The following MACC1 variants were observed in gnomAD, a reference collection of about 807,000 sequenced individuals.
The protein encoded by MACC1 is metastasis-associated in colon cancer protein 1.
In MACC1, 79 loss-of-function variants were observed where a neutral mutation model predicts 70.7. That is an observed-to-expected ratio of 1.12 (90% CI 0.93 to 1.35). The LOEUF (loss-of-function observed/expected upper bound fraction) is 1.35, where lower values mean the gene tolerates loss of function less well. Ranked by LOEUF, MACC1 falls within the 40% of genes most tolerant of loss-of-function variation. MACC1 has a pLI of 0.00. For missense variants in MACC1, 1,106 were observed against 978.1 expected, an observed-to-expected ratio of 1.13 and a Z score of -1.74; for synonymous variants, 361 against 347.2, an observed-to-expected ratio of 1.04 and a Z score of -0.44.
intron 5 of MACC1, among the ~76,000 whole-genome samples, chr7:20,157,869 A>G (rs189997560): frequency 6.6e-6 from 1 of 152,026 alleles, no homozygotes; most frequent in Non-Finnish European, 1.5e-5. Context: ...GTTTGCTTTC[A>G]TGTTATGGAG....
At chr7:20,189,951 C>G (rs1316789630) in intron 1 of MACC1, among the ~76,000 whole-genome samples, 2 of 152,072 alleles carry the variant, frequency 1.3e-5, no homozygotes, top group Non-Finnish European at 2.9e-5. Flanking sequence ...GGCCCTCTTC[C>G]TTGTTTACAG....
chr7:20,165,627 T>G (rs986040236), intron 2 of MACC1, among the ~76,000 whole-genome samples: 9 of 152,154 alleles, frequency 5.9e-5, no homozygotes, highest in Non-Finnish European at 1.0e-4. Context: ...TTAGCCACAT[T>G]TAGCATTTCC....
In MACC1 at chr7:20,160,027, A is replaced by C. The variant is rs752649734; in HGVS notation, c.334T>G (p.Ser112Ala). Residue 112 changes from serine (S) to alanine (A), a missense_variant, in exon 5 of 7, where the codon TCT becomes GCT. Physicochemically the swap from Ser to Ala is moderately conservative, Grantham distance 99. Coordinates refer to ENST00000400331, the MANE Select transcript of MACC1 (RefSeq NM_182762.4). ...AGTTCATCACCGGAGGAATCAAAAG[A>C]ATTTCCATTTTCTATTTCTCTACAG... Reference protein sequence around the residue: ...LFCREIENGNSFDSSGDELDV... With the variant: ...LFCREIENGNAFDSSGDELDV... The C allele has an allele frequency of 3.1e-6, 5 of 1,611,248 alleles. No homozygotes were observed. The South Asian group carries it at 4.4e-5, about 14-fold the overall frequency.
chr7:20,193,234 ATGTT>A (rs1782698924), intron 1 of MACC1, among the ~76,000 whole-genome samples: 1 of 152,184 alleles, frequency 6.6e-6, no homozygotes, highest in Admixed American at 6.5e-5. Flanking sequence ...AATAACCTAA[ATGTT>A]TGGTAATGGA....
At chr7:20,186,993 A>G (rs1489015957) in intron 1 of MACC1, among the ~76,000 whole-genome samples, 1 of 152,178 alleles carries the variant, frequency 6.6e-6, no homozygotes, top group Non-Finnish European at 1.5e-5. Context: ...ATGAAAAGAA[A>G]CAAGACTGAA....
At chr7:20,201,621 T>A (rs1782834551) in intron 1 of MACC1, among the ~76,000 whole-genome samples, 1 of 152,162 alleles carries the variant, frequency 6.6e-6, no homozygotes, top group African/African-American at 2.4e-5. Flanking sequence ...CATCTGTGAT[T>A]TACATTTCAG....
chr7:20,154,183 G>T lies in MACC1; in HGVS notation c.2346+10C>A. On this transcript the variant is annotated intron_variant, in intron 6 of 6. Coordinates refer to ENST00000400331, the MANE Select transcript of MACC1 (RefSeq NM_182762.4). ...TTTTCACTATTGAATTACACAAACAGAAGTCTTACCTCAACAGCAACATCT... is the reference window on the plus strand; with the variant it reads ...TTTTCACTATTGAATTACACAAACATAAGTCTTACCTCAACAGCAACATCT... The T allele has an allele frequency of 6.2e-7, 1 of 1,613,570 alleles. No homozygotes were observed. The highest frequency in any genetic ancestry group is 8.5e-7 in the Non-Finnish European group (1 of 1,179,616).
intron 6 of MACC1, among the ~76,000 whole-genome samples, chr7:20,143,731 G>A (rs1781844304): frequency 6.6e-6 from 1 of 152,150 alleles, no homozygotes; most frequent in South Asian, 2.1e-4. Flanking sequence ...AGTGTCGATA[G>A]CTCTTGCAAA....
At chr7:20,169,570 C>T (rs1440104517) in intron 2 of MACC1, among the ~76,000 whole-genome samples, 2 of 152,202 alleles carry the variant, frequency 1.3e-5, no homozygotes, top group Non-Finnish European at 2.9e-5. Flanking sequence ...CTTCCTAGAA[C>T]ACTTGACAGT....
intron 1 of MACC1, among the ~76,000 whole-genome samples, chr7:20,181,526 T>C (rs1415606038): frequency 6.6e-6 from 1 of 152,120 alleles, no homozygotes; most frequent in African/African-American, 2.4e-5. Flanking sequence ...ATTTAATATG[T>C]AAAAACTATG....
At chr7:20,189,195 T>C (rs556300911) in intron 1 of MACC1, among the ~76,000 whole-genome samples, 94 of 152,322 alleles carry the variant, frequency 6.2e-4, no homozygotes, top group African/African-American at 2.0e-3. Context: ...AAAAAAATAA[T>C]ATACACTTCT....
chr7:20,209,680 TG>T (rs937323836), intron 1 of MACC1, among the ~76,000 whole-genome samples: 3 of 152,116 alleles, frequency 2.0e-5, no homozygotes, highest in Non-Finnish European at 2.9e-5. Context: ...GTTAAGGCTT[TG>T]GGGGGGACTA....
At chr7:20,147,502 G>A (rs1246555062) in intron 6 of MACC1, 2 of 152,194 alleles carry the variant, frequency 1.3e-5, no homozygotes, top group African/African-American at 2.4e-5. Context: ...ATTATTTCAT[G>A]TGTTCTATCC....
At chr7:20,170,810 G>C (rs972346895) in intron 1 of MACC1, 32 bp from the exon 2 acceptor site, 3 of 152,174 alleles carry the variant, frequency 2.0e-5, no homozygotes, top group African/African-American at 7.2e-5. Flanking sequence ...TGAATCTTTG[G>C]TCACTGTTAA....
At chr7:20,173,241 A>T (rs181473797) in intron 1 of MACC1, among the ~76,000 whole-genome samples, 1 of 152,246 alleles carries the variant, frequency 6.6e-6, no homozygotes, top group South Asian at 2.1e-4. Context: ...TTCTAAAAAC[A>T]TATTATTAAA....
intron 1 of MACC1, among the ~76,000 whole-genome samples, chr7:20,215,859 T>TA (rs143314546): frequency 0.01 from 1,595 of 152,262 alleles, 30 homozygotes; most frequent in African/African-American, 0.035. Flanking sequence ...CACAAACAGA[T>TA]AAAAATATTC....
intron 1 of MACC1, among the ~76,000 whole-genome samples, chr7:20,198,941 G>A (rs529320298): frequency 3.0e-4 from 46 of 152,206 alleles, no homozygotes; most frequent in Non-Finnish European, 1.3e-4. Context: ...AGACTGTGCA[G>A]AGAGAAAGGC....
At chr7:20,147,072 T>C (rs1252856519) in intron 6 of MACC1, among the ~76,000 whole-genome samples, 2 of 152,208 alleles carry the variant, frequency 1.3e-5, no homozygotes, top group East Asian at 1.9e-4. Context: ...AAGAAGTGTG[T>C]CTTAGGTTAT....
intron 1 of MACC1, among the ~76,000 whole-genome samples, chr7:20,173,127 A>G (rs1782337205): frequency 6.6e-6 from 1 of 152,222 alleles, no homozygotes. Context: ...AAAATCCGAG[A>G]TGGATCCCAG....
Sources: allele counts gnomAD v4.1 joint callset (sites outside exome capture counted in the v4.1 genomes callset), GRCh38; gene constraint gnomAD v4.1.1; transcripts MANE v1.5; gene names NCBI Gene and HGNC (gene_info 2026-07-23, HGNC 2026-07-21).